The following ZFP64 variants were observed in gnomAD, a reference collection of about 807,000 sequenced individuals.
ZFP64 encodes ZFP64 zinc finger protein, also known as zinc finger protein 64.
In ZFP64, 14 loss-of-function variants were observed where a neutral mutation model predicts 51.6. The observed-to-expected ratio is 0.27, with a 90% CI of 0.18 to 0.42. ZFP64 has a LOEUF of 0.42. Ranked by LOEUF, ZFP64 falls within the 10% of genes least tolerant of loss-of-function variation. ZFP64 has a pLI of 1.00. For synonymous variants in ZFP64, 375 were observed against 361.4 expected (o/e 1.04, Z -0.43); for missense variants, 754 against 906.8 (o/e 0.83, Z 2.16).
Position 52,085,063 on chromosome 20 carries a change from C to T in ZFP64, c.1432G>A (p.Asp478Asn). 4 of 1,614,202 alleles carry T rather than the reference C, an allele frequency of 2.5e-6. No homozygotes were observed. The highest frequency in any genetic ancestry group is 3.4e-6 in the Non-Finnish European group (4 of 1,180,028). Residue 478 changes from aspartate to asparagine, a missense_variant, in exon 9 of 9, where the codon GAC becomes AAC. Transcript: ENST00000361387. The surrounding 1 kb of genome is among the most constrained non-coding windows in gnomAD (Gnocchi z 4.3). ...CTGTGCTCCAGGAGGTCAGCCCGGT[C>T]CCGGCCCTGGAAGGCACAGTGCAGA...
At chr20:52,144,612 CTGAAATGAA>C (rs1250347759) in intron 5 of ZFP64, among the ~76,000 whole-genome samples, 7 of 86,528 alleles carry the variant, frequency 8.1e-5, no homozygotes, top group African/African-American at 3.4e-4. Context: ...ATGCTGAAAG[CTGAAATGAA>C]TGAAATGGAG....
At chr20:52,140,388 G>A (rs943591650) in intron 5 of ZFP64, among the ~76,000 whole-genome samples, 8 of 152,196 alleles carry the variant, frequency 5.3e-5, no homozygotes, top group Admixed American at 2.6e-4. Flanking sequence ...CAAAGGAAAA[G>A]TTCTGCAAAG....
chr20:52,129,016 C>T (rs1461849037), intron 5 of ZFP64, among the ~76,000 whole-genome samples: 2 of 152,104 alleles, frequency 1.3e-5, no homozygotes, highest in Admixed American at 6.6e-5. Flanking sequence ...CAGGTTCAAG[C>T]CATTTTCCTG....
intron 2 of ZFP64, among the ~76,000 whole-genome samples, chr20:52,184,545 C>G (rs995470333): frequency 6.6e-6 from 1 of 152,216 alleles, no homozygotes; most frequent in Admixed American, 6.5e-5. Flanking sequence ...TCTGTGACTA[C>G]ACACAGATCC....
intron 5 of ZFP64, chr20:52,111,140 G>A: frequency 1.4e-6 from 1 of 716,756 alleles, no homozygotes; most frequent in South Asian, 1.5e-5. Context: ...ACATCGCCGG[G>A]TTCCGCGACG....
chr20:52,114,514 T>C (rs1978762318), intron 5 of ZFP64, among the ~76,000 whole-genome samples: 2 of 152,226 alleles, frequency 1.3e-5, no homozygotes, highest in South Asian at 4.1e-4. Context: ...ATGTTCCATC[T>C]TACTAATTAT....
intron 5 of ZFP64, among the ~76,000 whole-genome samples, chr20:52,103,427 T>C (rs1020524617): frequency 6.6e-6 from 1 of 152,090 alleles, no homozygotes; most frequent in African/African-American, 2.4e-5. Flanking sequence ...CGGTTTTTTC[T>C]CCGAAGTGGT....
At chr20:52,094,820 C>A (rs762922150) in intron 7 of ZFP64, among the ~76,000 whole-genome samples, 1 of 152,190 alleles carries the variant, frequency 6.6e-6, no homozygotes, top group Non-Finnish European at 1.5e-5. Flanking sequence ...GTTAAACACA[C>A]ACCTCAGTAT....
At chr20:52,104,578 G>C (rs1054352429) in intron 5 of ZFP64, 3 of 388,796 alleles carry the variant, frequency 7.7e-6, no homozygotes, top group Non-Finnish European at 1.6e-5. Flanking sequence ...GTGACCTCTC[G>C]GGCTACAGCA....
intron 3 of ZFP64, 165 bp from the exon 4 acceptor site, chr20:52,164,922 C>A: frequency 1.4e-6 from 1 of 705,546 alleles, no homozygotes; most frequent in Non-Finnish European, 2.6e-6. Context: ...AAAAACACAC[C>A]GTCATTTTGT....
intron 5 of ZFP64, chr20:52,104,542 T>C: frequency 2.8e-6 from 1 of 362,214 alleles, no homozygotes; most frequent in Non-Finnish European, 5.5e-6. Context: ...CCCCACCGTC[T>C]GCCCCCATCA....
intron 2 of ZFP64, among the ~76,000 whole-genome samples, chr20:52,176,520 T>TTTTTTTTTTTTTTA (rs1983230167): frequency 6.6e-6 from 1 of 150,484 alleles, no homozygotes; most frequent in African/African-American, 2.5e-5. Flanking sequence ...TTTTTTTTTT[T>TTTTTTTTTTTTTTA]GAGACGGAGT....
At position 52,143,861 on chromosome 20, in the gene ZFP64, T is replaced by G. The variant is rs6021739; in HGVS notation, c.763+16262A>C. On this transcript the variant is annotated intron_variant, in intron 5 of 8. Transcript: ENST00000361387. ...CACCATGCCTGGCCATTTTATAACT[T>G]TGCAAGTTACAGAAATAGATAGTGT... Among the ~76,000 whole-genome samples, 10 of 141,712 alleles carry G rather than the reference T, an allele frequency of 7.1e-5. 1 individual carries two copies. The highest frequency in any genetic ancestry group is 2.5e-4 in the African/African-American group (10 of 39,808). The allele number at this position is 141,712 out of a possible 152,430, so 93.0% of individuals were successfully genotyped here.
At chr20:52,185,271 G>A (rs554468467) in intron 2 of ZFP64, among the ~76,000 whole-genome samples, 6 of 152,260 alleles carry the variant, frequency 3.9e-5, no homozygotes, top group African/African-American at 7.2e-5. Flanking sequence ...TGATCCACCC[G>A]CCTCGGCCTC....
intron 7 of ZFP64, among the ~76,000 whole-genome samples, chr20:52,092,569 G>GC: frequency 6.6e-6 from 1 of 152,302 alleles, no homozygotes. Context: ...TCGAAAACAG[G>GC]CCGGGTGCAG....
intron 5 of ZFP64, among the ~76,000 whole-genome samples, chr20:52,137,596 T>C (rs1299098015): frequency 6.6e-6 from 1 of 152,174 alleles, no homozygotes; most frequent in Non-Finnish European, 1.5e-5. Flanking sequence ...TAAGAAACTA[T>C]GGTGAACAAT....
At chr20:52,101,465 G>A (rs769849944) in intron 5 of ZFP64, among the ~76,000 whole-genome samples, 2 of 152,186 alleles carry the variant, frequency 1.3e-5, no homozygotes, top group South Asian at 2.1e-4. Context: ...CGCCTTCCAG[G>A]CTCAAGCCAT....
chr20:52,139,505 T>C (rs993923366), intron 5 of ZFP64, among the ~76,000 whole-genome samples: 1 of 152,032 alleles, frequency 6.6e-6, no homozygotes, highest in African/African-American at 2.4e-5. Context: ...TACTTGAAGA[T>C]GGAGGGTGGG....
At position 52,152,335 on chromosome 20, in the gene ZFP64, G is replaced by C; in HGVS notation, c.1857C>G (p.Ala619=). Residue 619 remains alanine (A), a synonymous_variant, in exon 6 of 6, where the codon GCC becomes GCG. Coordinates refer to ENST00000216923, the MANE Select transcript of ZFP64 (RefSeq NM_018197.3). Reference sequence around the variant, plus strand: ...CTTCTGCTGTCCCCTCCTGAATCAAGGCGTTTAGGCCTTCAAAGTCAGTGC... The same window carrying C: ...CTTCTGCTGTCCCCTCCTGAATCAACGCGTTTAGGCCTTCAAAGTCAGTGC... The part of the protein sequence containing the change: ...ITCTDFEGLN[A]LIQEGTAEVT... 6.2e-7 allele frequency: 1 copy of C among 1,614,176 alleles called. No homozygotes were observed. Among genetic ancestry groups the C allele is most frequent in the Non-Finnish European group, 8.5e-7 (1 of 1,180,040 alleles).
Sources: gnomAD v4.1 joint callset for allele counts (sites outside exome capture counted in the v4.1 genomes callset) on GRCh38, gnomAD v4.1.1 for gene constraint, Gnocchi (gnomAD v3.1) non-coding constraint, MANE v1.5 for transcripts, NCBI Gene and HGNC (gene_info 2026-07-23, HGNC 2026-07-21) for gene names.